ABI1: variants seen among roughly 807,000 people sequenced by gnomAD.
ABI1 encodes abl interactor 1.
ABI1 carries 14 observed loss-of-function variants against 54.6 expected under a neutral mutation model. The observed-to-expected ratio is 0.26, with a 90% CI of 0.17 to 0.40. ABI1 has a LOEUF of 0.40. Ranked by LOEUF, ABI1 falls within the 10% of genes least tolerant of loss-of-function variation. ABI1 has a pLI of 1.00. For missense variants in ABI1, 443 were observed against 598.3 expected, an observed-to-expected ratio of 0.74 and a Z score of 2.71; for synonymous variants, 194 against 209.3, an observed-to-expected ratio of 0.93 and a Z score of 0.63.
At chr10:26,776,454 G>C (rs1375646034) in intron 3 of ABI1, among the ~76,000 whole-genome samples, 1 of 152,116 alleles carries the variant, frequency 6.6e-6, no homozygotes, top group Non-Finnish European at 1.5e-5. Context: ...CATTCCAAAT[G>C]CTTGCAAAAT....
intron 9 of ABI1, among the ~76,000 whole-genome samples, chr10:26,754,675 G>C (rs1838065723): frequency 6.6e-6 from 1 of 152,138 alleles, no homozygotes; most frequent in African/African-American, 2.4e-5. Flanking sequence ...AGGATAGGCT[G>C]GGCAAGTGGG....
intron 2 of ABI1, among the ~76,000 whole-genome samples, chr10:26,794,353 A>G (rs1843851810): frequency 6.6e-6 from 1 of 152,144 alleles, no homozygotes; most frequent in Admixed American, 6.6e-5. Context: ...AAGCTGCAGT[A>G]AACAGTGATC....
intron 2 of ABI1, among the ~76,000 whole-genome samples, chr10:26,818,347 A>G (rs979673768): frequency 1.3e-5 from 2 of 149,476 alleles, no homozygotes; most frequent in African/African-American, 4.9e-5. Flanking sequence ...GGCTAGGCAC[A>G]GTGGCTCATG....
At chr10:26,800,109 C>T (rs926153055) in intron 2 of ABI1, among the ~76,000 whole-genome samples, 4 of 152,026 alleles carry the variant, frequency 2.6e-5, no homozygotes, top group African/African-American at 7.2e-5. Context: ...TCGGGCCGGG[C>T]GCAGTGGCTC....
At chr10:26,827,094 T>C (rs1365947045) in intron 1 of ABI1, among the ~76,000 whole-genome samples, 1 of 151,868 alleles carries the variant, frequency 6.6e-6, no homozygotes, top group Non-Finnish European at 1.5e-5. Context: ...TTTGTATTTT[T>C]AGTAGAGACA....
chr10:26,802,844 T>C (rs2046647301), intron 2 of ABI1, among the ~76,000 whole-genome samples: 1 of 152,188 alleles, frequency 6.6e-6, no homozygotes, highest in Non-Finnish European at 1.5e-5. Flanking sequence ...TTCTCACTGC[T>C]TCCAATCTAC....
chr10:26,860,628 G>A lies in ABI1; in HGVS notation c.117+119C>T. On this transcript the variant is annotated intron_variant, in intron 1 of 10. Coordinates refer to ENST00000376140, the MANE Select transcript of ABI1 (RefSeq NM_001012750.3). This position sits in a 1 kb window ranked among gnomAD's most constrained non-coding sequence, Gnocchi z 4.1. Reference sequence around the variant, plus strand: ...TGGGGCTGGGGTTGGGGCTGCGGTAGGGGCTCGGGTTGGTGGCAGCCGCTG... The same window carrying A: ...TGGGGCTGGGGTTGGGGCTGCGGTAAGGGCTCGGGTTGGTGGCAGCCGCTG... 2 of 774,266 alleles carry A rather than the reference G, an allele frequency of 2.6e-6. No homozygotes were observed. The allele number at this position is 774,266 out of a possible 1,614,324, so 48.0% of individuals were successfully genotyped here.
At chr10:26,803,389 G>A (rs1255613955) in intron 2 of ABI1, among the ~76,000 whole-genome samples, 1 of 152,136 alleles carries the variant, frequency 6.6e-6, no homozygotes, top group Non-Finnish European at 1.5e-5. Flanking sequence ...ACAGGTACAG[G>A]GATTTTTTAA....
intron 2 of ABI1, among the ~76,000 whole-genome samples, chr10:26,788,091 G>A (rs1564500232): frequency 2.0e-5 from 3 of 152,130 alleles, no homozygotes; most frequent in African/African-American, 2.4e-5. Flanking sequence ...TTTAATCACG[G>A]GGTCGGTTTC....
chr10:26,805,304 T>C (rs1469528366), intron 2 of ABI1, among the ~76,000 whole-genome samples: 5 of 151,746 alleles, frequency 3.3e-5, no homozygotes, highest in African/African-American at 1.2e-4. Context: ...GTCTGAGCAG[T>C]AGCCTGGTGA....
intron 1 of ABI1, among the ~76,000 whole-genome samples, chr10:26,847,066 A>G (rs1164490091): frequency 6.6e-6 from 1 of 152,202 alleles, no homozygotes. Context: ...TCTGATTGAC[A>G]AAACAGTCTG....
intron 2 of ABI1, among the ~76,000 whole-genome samples, chr10:26,796,761 TC>T (rs1470055737): frequency 6.6e-6 from 1 of 152,178 alleles, no homozygotes; most frequent in East Asian, 1.9e-4. Flanking sequence ...AACACAGCAG[TC>T]CCCTTTTTGG....
At chr10:26,770,424 T>A (rs897213434) in intron 4 of ABI1, 79 bp from the exon 5 acceptor site, 222 of 1,305,556 alleles carry the variant, frequency 1.7e-4, no homozygotes, top group Non-Finnish European at 2.3e-4. Flanking sequence ...TTATTTTTTT[T>A]AAATATCAGA....
At chr10:26,773,234 C>CTTTTTTTTTTT (rs1554811158) in intron 3 of ABI1, among the ~76,000 whole-genome samples, 2 of 44,872 alleles carry the variant, frequency 4.5e-5, no homozygotes, top group African/African-American at 2.2e-4. Context: ...TTTTTGCTGG[C>CTTTTTTTTTTT]TCTGTTGCCC....
chr10:26,858,557 A>C (rs1474359724), intron 1 of ABI1, among the ~76,000 whole-genome samples: 3 of 140,590 alleles, frequency 2.1e-5, no homozygotes, highest in East Asian at 4.3e-4. Flanking sequence ...AAAAAAAAAA[A>C]AAAAAACGGG....
chr10:26,811,625 T>C (rs186679902), intron 2 of ABI1, among the ~76,000 whole-genome samples: 1 of 152,166 alleles, frequency 6.6e-6, no homozygotes, highest in South Asian at 2.1e-4. Context: ...TGAGAAATTT[T>C]TCGTGTTTTC....
intron 4 of ABI1, chr10:26,770,579 T>C: frequency 1.5e-6 from 1 of 687,138 alleles, no homozygotes; most frequent in Non-Finnish European, 2.7e-6. Flanking sequence ...GATGACTGGA[T>C]TTAATATCTT....
At position 26,823,209 on chromosome 10, in the gene ABI1, C is replaced by T. The variant is rs771908232; in HGVS notation, c.214G>A (p.Val72Ile). 3 of 1,605,032 alleles carry T rather than the reference C, an allele frequency of 1.9e-6. No homozygotes were observed. The highest frequency in any genetic ancestry group is 2.5e-6 in the Non-Finnish European group (3 of 1,177,190). The change falls in exon 2 of 11, where the codon GTA (valine) becomes ATA (isoleucine). Residue 72 changes from valine to isoleucine, a missense_variant. Val to Ile is a conservative substitution (Grantham distance 29). This residue lies in a region of ABI1 where 394 missense variants were observed against 484.8 expected (regional missense o/e 0.81). Coordinates refer to ENST00000376140, the MANE Select transcript of ABI1 (RefSeq NM_001012750.3). ...AYQINALANN[V>I]LQLLDIQASQ... ...GCTTGGATATCCAGCAACTGGAGTA[C>T]ATTGTTGGCCAATGCATTTATTTGA... is the stretch of plus-strand genomic sequence containing the variant.
intron 2 of ABI1, among the ~76,000 whole-genome samples, chr10:26,781,156 C>T (rs1375623116): frequency 6.6e-6 from 1 of 152,200 alleles, no homozygotes; most frequent in African/African-American, 2.4e-5. Context: ...TCAGGTGACT[C>T]TTGGGTTTGG....
Sources: gnomAD v4.1 joint callset for allele counts (sites outside exome capture counted in the v4.1 genomes callset) on GRCh38, gnomAD v4.1.1 for gene constraint, gnomAD v4.1.1 regional missense constraint, Gnocchi (gnomAD v3.1) non-coding constraint, MANE v1.5 for transcripts, NCBI Gene and HGNC (gene_info 2026-07-23, HGNC 2026-07-21) for gene names.